Variants in SMG9 observed in about 807,000 individuals in gnomAD.
SMG9 encodes the protein nonsense-mediated mRNA decay factor SMG9.
A neutral mutation model predicts 64.0 loss-of-function variants in SMG9; 55 were observed. The observed-to-expected ratio is 0.86, with a 90% CI of 0.69 to 1.08. The LOEUF (loss-of-function observed/expected upper bound fraction) is 1.08. Ranked by LOEUF, SMG9 falls within the 50% of genes least tolerant of loss-of-function variation. The pLI is 0.00. For synonymous variants in SMG9, 244 were observed against 254.8 expected (o/e 0.96, Z 0.41); for missense variants, 554 against 681.3 (o/e 0.81, Z 2.08).
At chr19:43,741,061 C>T (rs531238721) in intron 6 of SMG9, among the ~76,000 whole-genome samples, 1 of 152,282 alleles carries the variant, frequency 6.6e-6, no homozygotes, top group South Asian at 2.1e-4. Flanking sequence ...TACGGAAAAC[C>T]TCCTATTTGC....
chr19:43,741,765 G>T (rs960301253), intron 6 of SMG9, among the ~76,000 whole-genome samples: 14 of 152,048 alleles, frequency 9.2e-5, no homozygotes, highest in African/African-American at 3.4e-4. Flanking sequence ...TTTCTCAAAC[G>T]TTCCCCTTAG....
intron 6 of SMG9, among the ~76,000 whole-genome samples, chr19:43,742,239 C>A (rs960493488): frequency 6.6e-6 from 1 of 152,106 alleles, no homozygotes; most frequent in Non-Finnish European, 1.5e-5. Context: ...TCACGTGAGC[C>A]CAGTCTGGGC....
At chr19:43,746,408 T>C (rs546634120) in intron 5 of SMG9, among the ~76,000 whole-genome samples, 4 of 152,278 alleles carry the variant, frequency 2.6e-5, no homozygotes, top group South Asian at 2.1e-4. Flanking sequence ...TTCAAATATA[T>C]ATGATCTTCA....
intron 1 of SMG9, 137 bp from the exon 2 acceptor site, chr19:43,750,884 G>T: frequency 1.4e-6 from 1 of 729,146 alleles, no homozygotes; most frequent in Non-Finnish European, 2.1e-6. Flanking sequence ...GAGTACAGTG[G>T]CCTGATCTTG....
intron 4 of SMG9, 44 bp downstream of exon 4, chr19:43,747,589 G>C (rs1969056750): frequency 6.2e-7 from 1 of 1,613,962 alleles, no homozygotes; most frequent in Non-Finnish European, 8.5e-7. Flanking sequence ...GGATCTGTGA[G>C]GAGACGCCAG....
intron 10 of SMG9, 82 bp downstream of exon 10, chr19:43,734,307 C>G (rs937167082): frequency 9.8e-6 from 11 of 1,119,414 alleles, no homozygotes; most frequent in African/African-American, 6.2e-5. Flanking sequence ...CCTCTCTCTC[C>G]CCTCTTCTCC....
At chr19:43,748,517 A>C (rs1378088356) in intron 2 of SMG9, among the ~76,000 whole-genome samples, 4 of 152,230 alleles carry the variant, frequency 2.6e-5, no homozygotes, top group Non-Finnish European at 5.9e-5. Flanking sequence ...GAGAGAACTC[A>C]TCAAGTGTCT....
chr19:43,747,126 A>G lies in SMG9; in HGVS notation c.588+316T>C, dbSNP rs1160085206. ...AGCCACCAGCAAGGGTTTCAACCAA[A>G]TAAGAAGGGTACTGGAGCAGGGTCC... On this transcript the variant is annotated intron_variant, in intron 5 of 13. Coordinates refer to ENST00000270066, the MANE Select transcript of SMG9 (RefSeq NM_019108.4). Among the ~76,000 whole-genome samples, 4 of 152,152 alleles carry G rather than the reference A, an allele frequency of 2.6e-5. No homozygotes were observed. The South Asian group carries it at 6.2e-4, about 24-fold the overall frequency.
rs1969304843 is a variant in SMG9, at chr19:43,754,784, G to A, written c.-137C>T. The stretch of plus-strand genomic sequence containing the variant: ...GTCTGGGGGCCAGGAACGTGGGAAG[G>A]AGAGAAAATGGGCACTCCCCACTCC... On this transcript the variant is annotated 5_prime_UTR_variant, in exon 1 of 14. Coordinates refer to ENST00000270066, the MANE Select transcript of SMG9 (RefSeq NM_019108.4). The A allele has an allele frequency of 1.3e-5, 2 of 152,316 alleles. No homozygotes were observed. The highest frequency in any genetic ancestry group is 3.9e-4 in the East Asian group (2 of 5,174). The allele number at this position is 152,316 out of a possible 1,614,324, so 9.4% of individuals were successfully genotyped here. A position where few individuals can be genotyped will look rare whatever the true frequency, so the allele number is the denominator to read the frequency against.
chr19:43,741,308 G>A (rs1968839460), intron 6 of SMG9, among the ~76,000 whole-genome samples: 2 of 152,194 alleles, frequency 1.3e-5, no homozygotes, highest in East Asian at 1.9e-4. Flanking sequence ...GGTGGGGGAT[G>A]GACGCAGAGG....
intron 8 of SMG9, 127 bp downstream of exon 8, chr19:43,737,995 C>G: frequency 1.1e-6 from 1 of 906,418 alleles, no homozygotes; most frequent in Non-Finnish European, 1.8e-6. Flanking sequence ...TCCTATAGCC[C>G]TTGGGGCAGC....
chr19:43,748,610 C>T (rs2146403967), intron 2 of SMG9: 1 of 517,514 alleles, frequency 1.9e-6, no homozygotes, highest in Non-Finnish European at 3.9e-6. Flanking sequence ...TCTGCCTCAG[C>T]CCCCTCCTGC....
At chr19:43,745,238 G>A (rs1251296781) in intron 5 of SMG9, among the ~76,000 whole-genome samples, 1 of 152,204 alleles carries the variant, frequency 6.6e-6, no homozygotes, top group Non-Finnish European at 1.5e-5. Flanking sequence ...AGGGCAGGTT[G>A]GAGAAGATAG....
intron 9 of SMG9, chr19:43,734,792 CCA>C (rs1968604354): frequency 3.8e-6 from 1 of 263,378 alleles, no homozygotes; most frequent in African/African-American, 2.2e-5. Context: ...CGTAGCGTTC[CCA>C]CACAACCCCT....
rs1968385204 is a variant in SMG9, at chr19:43,728,937, C to T, written c.*2659G>A. 1.0e-6 allele frequency: 1 copy of T among 975,072 alleles called. No individual in the cohort carries two copies. The highest frequency in any genetic ancestry group is 1.2e-6 in the Non-Finnish European group (1 of 820,518). The allele number at this position is 975,072 out of a possible 1,614,324, so 60.4% of individuals were successfully genotyped here. A position where few individuals can be genotyped will look rare whatever the true frequency, so the allele number is the denominator to read the frequency against. ...TGGAGAGCCACAAGCAGCAGGCATT[C>T]CTGGTGGCCAGGCCCATCTTGCAGC... On this transcript the variant is annotated 3_prime_UTR_variant, in exon 14 of 14. Coordinates refer to ENST00000270066, the MANE Select transcript of SMG9 (RefSeq NM_019108.4).
chr19:43,751,563 G>A (rs940474992), intron 1 of SMG9, among the ~76,000 whole-genome samples: 1 of 152,262 alleles, frequency 6.6e-6, no homozygotes, highest in African/African-American at 2.4e-5. Context: ...TGGCTATCCA[G>A]AACAAACTTC....
rs1024566653 is a variant in SMG9 at position 43,732,921 on chromosome 19, C to T, written c.1421G>A (p.Arg474Gln). The change falls in exon 13 of 14, where the codon CGG becomes CAG. Residue 474 changes from arginine (R) to glutamine (Q), a missense_variant. Coordinates refer to ENST00000270066, the MANE Select transcript of SMG9 (RefSeq NM_019108.4). ...CCGGGCCATGGACATCACTTGGCTC[C>T]GGAGCTTGCTCACCAAGGACTGGAA... is the stretch of plus-strand genomic sequence containing the variant. ...PSFQSLVSKL[R>Q]SQVMSMARPQ... 9.3e-6 allele frequency: 15 copies of T among 1,613,840 alleles called. No homozygotes were observed. Among genetic ancestry groups the T allele is most frequent in the East Asian group, 2.2e-5 (1 of 44,860 alleles).
rs925894748 is a variant in SMG9, at chr19:43,748,062, G to A, written c.151-10C>T. On this transcript the variant is annotated splice_polypyrimidine_tract_variant and intron_variant, in intron 2 of 13. Transcript: ENST00000270066. ...TCTCTTCGCTGGCATCCTGTGGTGA[G>A]GGAGGGCAGTTACTCATGAATGGCT... is the stretch of plus-strand genomic sequence containing the variant. 5 of 1,601,806 alleles carry A rather than the reference G, an allele frequency of 3.1e-6. No individual in the cohort carries two copies. Among genetic ancestry groups the A allele is most frequent in the Non-Finnish European group, 4.3e-6 (5 of 1,173,728 alleles).
Position 43,732,873 on chromosome 19 carries a change from A to T in SMG9, c.1469T>A (p.Leu490His). 6.2e-7 allele frequency: 1 copy of T among 1,613,560 alleles called. No homozygotes were observed. Among genetic ancestry groups the T allele is most frequent in the Non-Finnish European group, 8.5e-7 (1 of 1,179,816 alleles). Reference sequence around the variant, plus strand: ...GAGCTCTTACCAGTTCTTCTCGGTGAGGATCGTGTGTGACAGCTGTGGCCG... The same window carrying T: ...GAGCTCTTACCAGTTCTTCTCGGTGTGGATCGTGTGTGACAGCTGTGGCCG... ...MARPQLSHTI[L>H]TEKNWFHYAA... is the part of the protein sequence containing the mutation. Residue 490 changes from leucine (L) to histidine (H), a missense_variant, in exon 13 of 14, where the codon CTC becomes CAC. By Grantham distance (99) the Leu-to-His change is moderately conservative. Transcript: ENST00000270066.
Sources: gnomAD v4.1 joint callset for allele counts (sites outside exome capture counted in the v4.1 genomes callset) on GRCh38, gnomAD v4.1.1 for gene constraint, MANE v1.5 for transcripts, NCBI Gene and HGNC (gene_info 2026-07-23, HGNC 2026-07-21) for gene names.